SLC7A1: variants seen among roughly 807,000 people sequenced by gnomAD.
SLC7A1 encodes solute carrier family 7 member 1, also known as high affinity cationic amino acid transporter 1.
A neutral mutation model predicts 53.9 loss-of-function variants in SLC7A1; 10 were observed. That is an observed-to-expected ratio of 0.19 (90% CI 0.11 to 0.31). SLC7A1 has a LOEUF of 0.31. Among genes scored for constraint, SLC7A1 ranks in the 10% least tolerant of loss-of-function variants. The probability of loss-of-function intolerance (pLI) is 1.00; values close to 1 mark genes in which losing one functional copy is unlikely to be tolerated. For synonymous variants in SLC7A1, 342 were observed against 338.7 expected (o/e 1.01, Z -0.11); for missense variants, 525 against 827.2 (o/e 0.63, Z 4.48).
At chr13:29,574,772 G>A (rs1277676286) in intron 1 of SLC7A1, among the ~76,000 whole-genome samples, 1 of 150,616 alleles carries the variant, frequency 6.6e-6, no homozygotes, top group Non-Finnish European at 1.5e-5. Context: ...AGCCTCCCAA[G>A]TAGCTGGGAC....
Position 29,524,202 on chromosome 13 carries a change from G to T in SLC7A1, c.756C>A (p.Phe252Leu). The T allele has an allele frequency of 6.2e-7, 1 of 1,614,142 alleles. No homozygotes were observed. The highest frequency in any genetic ancestry group is 8.5e-7 in the Non-Finnish European group (1 of 1,179,980). Residue 252 changes from phenylalanine to leucine, a missense_variant, in exon 6 of 13, where the codon TTC (phenylalanine) becomes TTA (leucine). By Grantham distance (22) the Phe-to-Leu change is conservative. This residue lies in a region of SLC7A1 where 354 missense variants were observed against 587.5 expected (regional missense o/e 0.60). Coordinates refer to ENST00000380752, the MANE Select transcript of SLC7A1 (RefSeq NM_003045.5). ...TCGCTGCCCCCGACAGGACACCAGA[G>T]AACCCGAAGGGCATGAATCCACCAA... The part of the protein sequence containing the change: ...PGVGGFMPFG[F>L]SGVLSGAATC...
chr13:29,561,445 T>C (rs1408958337), intron 1 of SLC7A1, among the ~76,000 whole-genome samples: 1 of 152,172 alleles, frequency 6.6e-6, no homozygotes, highest in Admixed American at 6.5e-5. Flanking sequence ...GATGGCCAGA[T>C]TCCTGTGGAA....
intron 1 of SLC7A1, among the ~76,000 whole-genome samples, chr13:29,578,960 A>G (rs1018079417): frequency 6.6e-6 from 1 of 152,224 alleles, no homozygotes; most frequent in African/African-American, 2.4e-5. Flanking sequence ...GGGGAAAAGT[A>G]TGTCCCTCAG....
At chr13:29,545,104 C>T (rs908149229) in intron 2 of SLC7A1, among the ~76,000 whole-genome samples, 10 of 152,184 alleles carry the variant, frequency 6.6e-5, no homozygotes, top group Admixed American at 2.6e-4. Context: ...CCATCAACAA[C>T]TTGTGAGGGT....
intron 1 of SLC7A1, among the ~76,000 whole-genome samples, chr13:29,563,530 CAG>C (rs956917353): frequency 3.3e-5 from 5 of 152,320 alleles, no homozygotes; most frequent in East Asian, 1.9e-4. Flanking sequence ...TAAGAAGAAA[CAG>C]GGGAAGAACA....
chr13:29,530,247 C>G (rs945779243), intron 5 of SLC7A1, among the ~76,000 whole-genome samples: 2 of 152,100 alleles, frequency 1.3e-5, no homozygotes, highest in South Asian at 4.2e-4. Context: ...TTTAATGAGT[C>G]TGACAAGAAT....
In SLC7A1 at chr13:29,565,326, T is replaced by G. The variant is rs118122612; in HGVS notation, c.-114-11466A>C. On this transcript the variant is annotated intron_variant, in intron 1 of 12. Transcript: ENST00000380752. The stretch of plus-strand genomic sequence containing the variant: ...ATACAAATACAATACAGCAGGGTAA[T>G]CTCAAGATGGCCAGCAGAGAGAGAA... Among the ~76,000 whole-genome samples, 1,102 of 152,176 alleles carry G rather than the reference T, an allele frequency of 7.2e-3. 5 individuals are homozygous for G. The highest frequency in any genetic ancestry group is 0.013 in the Non-Finnish European group (877 of 68,010).
intron 11 of SLC7A1, 183 bp downstream of exon 11, chr13:29,516,961 C>T (rs1883575506): frequency 3.9e-6 from 2 of 514,354 alleles, no homozygotes; most frequent in Non-Finnish European, 6.7e-6. Flanking sequence ...AGGGCTGCTG[C>T]CTCCTTCCAG....
intron 1 of SLC7A1, among the ~76,000 whole-genome samples, chr13:29,577,752 C>T (rs527384790): frequency 6.6e-6 from 1 of 152,322 alleles, no homozygotes; most frequent in East Asian, 1.9e-4. Context: ...CCTTAGTCGT[C>T]TCTGGCCGAG....
chr13:29,543,137 G>A (rs1022064087), intron 2 of SLC7A1, among the ~76,000 whole-genome samples: 4 of 152,294 alleles, frequency 2.6e-5, no homozygotes, highest in African/African-American at 9.6e-5. Context: ...GGGGGTGCGA[G>A]GCTATGAACA....
intron 1 of SLC7A1, 27 bp from the exon 2 acceptor site, chr13:29,553,887 T>C (rs1482101390): frequency 6.6e-6 from 1 of 152,172 alleles, no homozygotes; most frequent in Non-Finnish European, 1.5e-5. Flanking sequence ...AGCCATCAGA[T>C]ATGTTCAGTT....
intron 1 of SLC7A1, among the ~76,000 whole-genome samples, chr13:29,556,741 G>C (rs183696271): frequency 1.3e-5 from 2 of 152,250 alleles, no homozygotes; most frequent in African/African-American, 2.4e-5. Context: ...AAGCTTCTTG[G>C]AGTCCTCCAT....
At chr13:29,591,815 G>A (rs561218035) in intron 1 of SLC7A1, among the ~76,000 whole-genome samples, 112 of 152,264 alleles carry the variant, frequency 7.4e-4, no homozygotes, top group African/African-American at 2.3e-3. Flanking sequence ...GTTTCCTCGC[G>A]CTTGATTTTT....
chr13:29,554,553 A>G (rs554387066), intron 1 of SLC7A1, among the ~76,000 whole-genome samples: 1 of 152,340 alleles, frequency 6.6e-6, no homozygotes, highest in East Asian at 1.9e-4. Flanking sequence ...AGAACCTCAT[A>G]GATGCATGGC....
rs1227849273 is a variant in SLC7A1, at chr13:29,510,698, G to A, written c.*3782C>T. 2 of 152,236 alleles carry A rather than the reference G, an allele frequency of 1.3e-5. No homozygotes were observed. The highest frequency in any genetic ancestry group is 4.8e-5 in the African/African-American group (2 of 41,466). The allele number at this position is 152,236 out of a possible 1,614,324, so 9.4% of individuals were successfully genotyped here. ...CTCACACACCCCAGAACGCAGCTGT[G>A]CTGGAGTTGGGCACAAAGGCCCCTC... On this transcript the variant is annotated 3_prime_UTR_variant, in exon 13 of 13. Transcript: ENST00000380752.
chr13:29,554,756 G>C (rs915379049), intron 1 of SLC7A1, among the ~76,000 whole-genome samples: 1 of 152,096 alleles, frequency 6.6e-6, no homozygotes, highest in Non-Finnish European at 1.5e-5. Flanking sequence ...TTATAACTTA[G>C]ACAGCAGCAA....
intron 2 of SLC7A1, among the ~76,000 whole-genome samples, chr13:29,548,755 G>T (rs1231797051): frequency 6.6e-6 from 1 of 152,190 alleles, no homozygotes; most frequent in Non-Finnish European, 1.5e-5. Context: ...CAAATGCTGT[G>T]ACCTTTCATA....
intron 2 of SLC7A1, among the ~76,000 whole-genome samples, chr13:29,539,649 G>A (rs1417372527): frequency 6.6e-6 from 1 of 152,192 alleles, no homozygotes; most frequent in Non-Finnish European, 1.5e-5. Flanking sequence ...TATAGTTCTT[G>A]GCCTGTTTCC....
Position 29,523,466 on chromosome 13 carries a change from C to T in SLC7A1, c.849G>A (p.Gln283=), listed in dbSNP as rs1475671068. 6.2e-7 allele frequency: 1 copy of T among 1,613,822 alleles called. No homozygotes were observed. Among genetic ancestry groups the T allele is most frequent in the East Asian group, 2.2e-5 (1 of 44,884 alleles). The change falls in exon 7 of 13, where the codon CAG becomes CAA. Residue 283 remains glutamine, a synonymous_variant. Coordinates refer to ENST00000380752, the MANE Select transcript of SLC7A1 (RefSeq NM_003045.5). Reference sequence around the variant, plus strand: ...CCACGATCCCCACGGGGATGGCCTTCTGTGGGTTCTTCACCTCTTCACCTA... The same window carrying T: ...CCACGATCCCCACGGGGATGGCCTTTTGTGGGTTCTTCACCTCTTCACCTA... ...ATTGEEVKNP[Q]KAIPVGIVAS...
Sources: gnomAD v4.1 joint callset for allele counts (sites outside exome capture counted in the v4.1 genomes callset) on GRCh38, gnomAD v4.1.1 for gene constraint, gnomAD v4.1.1 regional missense constraint, MANE v1.5 for transcripts, NCBI Gene and HGNC (gene_info 2026-07-23, HGNC 2026-07-21) for gene names.